FEM1C: variants seen among roughly 807,000 people sequenced by gnomAD.
FEM1C encodes the protein fem-1 homolog C.
Under a neutral mutation model 37.6 loss-of-function variants are expected in FEM1C, and 15 were observed. That is an observed-to-expected ratio of 0.40 (90% CI 0.27 to 0.61). The LOEUF (loss-of-function observed/expected upper bound fraction) is 0.61, where lower values mean the gene tolerates loss of function less well. FEM1C is among the 20% of genes least tolerant of loss of function. FEM1C has a pLI of 0.42. For synonymous variants in FEM1C, 287 were observed against 272.8 expected (o/e 1.05, Z -0.51); for missense variants, 532 against 749.7 (o/e 0.71, Z 3.39).
rs1215181168 is a variant in FEM1C, at chr5:115,522,303, C to A, written c.*2005G>T. The A allele has an allele frequency of 1.3e-5, 2 of 151,864 alleles. No individual in the cohort carries two copies. Among genetic ancestry groups the A allele is most frequent in the East Asian group, 3.8e-4 (2 of 5,196 alleles). The allele number at this position is 151,864 out of a possible 1,614,324, so 9.4% of individuals were successfully genotyped here. On this transcript the variant is annotated 3_prime_UTR_variant, in exon 3 of 3. Transcript: ENST00000274457. ...CCACAAAGTTAGAGGCAGATGATTTCAAGATACTGACATTTGATATTTCTA... is the reference window on the plus strand; with the variant it reads ...CCACAAAGTTAGAGGCAGATGATTTAAAGATACTGACATTTGATATTTCTA...
chr5:115,540,393 G>T (rs1422781656), intron 2 of FEM1C, among the ~76,000 whole-genome samples: 1 of 151,994 alleles, frequency 6.6e-6, no homozygotes, highest in East Asian at 1.9e-4. Flanking sequence ...CATGTGTATG[G>T]GTATAAAGTT....
intron 2 of FEM1C, among the ~76,000 whole-genome samples, chr5:115,535,797 T>G (rs1368091821): frequency 2.0e-5 from 3 of 151,914 alleles, no homozygotes; most frequent in African/African-American, 4.8e-5. Flanking sequence ...TATCCATGAA[T>G]AGCTAAAAAG....
At chr5:115,532,253 C>CTGT (rs1227063397) in intron 2 of FEM1C, among the ~76,000 whole-genome samples, 1 of 152,054 alleles carries the variant, frequency 6.6e-6, no homozygotes, top group Non-Finnish European at 1.5e-5. Context: ...ACAGTCTATT[C>CTGT]TTAAAGTATA....
At chr5:115,529,812 A>C (rs1449671549) in intron 2 of FEM1C, among the ~76,000 whole-genome samples, 1 of 152,042 alleles carries the variant, frequency 6.6e-6, no homozygotes, top group Non-Finnish European at 1.5e-5. Context: ...AAGTCAAAGT[A>C]ATGCTATCTA....
chr5:115,532,813 T>C (rs1186023058), intron 2 of FEM1C, among the ~76,000 whole-genome samples: 2 of 152,122 alleles, frequency 1.3e-5, no homozygotes, highest in Middle Eastern at 3.4e-3. Flanking sequence ...TCCCCGTTGA[T>C]GGACATCTGC....
chr5:115,538,696 T>C (rs936965113), intron 2 of FEM1C, among the ~76,000 whole-genome samples: 1 of 152,048 alleles, frequency 6.6e-6, no homozygotes, highest in Admixed American at 6.6e-5. Context: ...ATCCAACTCC[T>C]GTACCTAGAT....
chr5:115,544,739 C>G lies in FEM1C; in HGVS notation c.-407G>C, dbSNP rs1295559419. On this transcript the variant is annotated 5_prime_UTR_variant, in exon 1 of 3. Coordinates refer to ENST00000274457, the MANE Select transcript of FEM1C (RefSeq NM_020177.3). ...GCCTCCCGCCCTTAGTCGGCTCGGACTGCAGCGGCTGCAGCGACTGCTGCG... is the reference window on the plus strand; with the variant it reads ...GCCTCCCGCCCTTAGTCGGCTCGGAGTGCAGCGGCTGCAGCGACTGCTGCG... 6.5e-6 allele frequency: 1 copy of G among 152,684 alleles called. No individual in the cohort carries two copies. Among genetic ancestry groups the G allele is most frequent in the East Asian group, 1.9e-4 (1 of 5,220 alleles). 9.5% of individuals were successfully genotyped at this position (152,684 alleles called of 1,614,324 possible).
chr5:115,544,199 G>A, intron 1 of FEM1C: 1 of 984,018 alleles, frequency 1.0e-6, no homozygotes, highest in Non-Finnish European at 1.2e-6. Flanking sequence ...AACTACTCAC[G>A]GCTCTCAGGA....
intron 2 of FEM1C, among the ~76,000 whole-genome samples, chr5:115,540,795 A>G (rs189542406): frequency 7.9e-5 from 12 of 152,226 alleles, no homozygotes; most frequent in Non-Finnish European, 1.5e-4. Flanking sequence ...AACATATCCC[A>G]ATTTGACTTA....
At chr5:115,528,618 T>C (rs770919300) in intron 2 of FEM1C, among the ~76,000 whole-genome samples, 1 of 152,120 alleles carries the variant, frequency 6.6e-6, no homozygotes, top group Non-Finnish European at 1.5e-5. Flanking sequence ...CAGAAGCAAA[T>C]ATAAATACTA....
Position 115,525,554 on chromosome 5 carries a change from A to G in FEM1C, c.608T>C (p.Met203Thr), listed in dbSNP as rs1384216363. The change falls in exon 3 of 3, where the codon ATG (methionine) becomes ACG (threonine). Residue 203 changes from methionine (M) to threonine (T), a missense_variant. Coordinates refer to ENST00000274457, the MANE Select transcript of FEM1C (RefSeq NM_020177.3). ...GSLDIMKMLL[M>T]YCAKMEKDGY... ...ATCCTTTTCCATCTTGGCACAATAC[A>G]TAAGAAGCATCTTCATGATGTCCAA... is the stretch of plus-strand genomic sequence containing the variant. The G allele has an allele frequency of 2.5e-6, 4 of 1,613,668 alleles. No individual in the cohort carries two copies. Among genetic ancestry groups the G allele is most frequent in the East Asian group, 2.2e-5 (1 of 44,856 alleles).
In FEM1C at chr5:115,543,627, C is replaced by A. The variant is rs1170250458; in HGVS notation, c.-134G>T. 1.4e-6 allele frequency: 2 copies of A among 1,444,882 alleles called. No individual in the cohort carries two copies. The highest frequency in any genetic ancestry group is 1.8e-6 in the Non-Finnish European group (2 of 1,105,388). 89.5% of individuals were successfully genotyped at this position (1,444,882 alleles called of 1,614,324 possible). The stretch of plus-strand genomic sequence containing the variant: ...CTGCACCCCAGAACGGATACACAAC[C>A]ACGAAGAGTATGTTCCGTCCTACTG... On this transcript the variant is annotated 5_prime_UTR_variant, in exon 2 of 3. Coordinates refer to ENST00000274457, the MANE Select transcript of FEM1C (RefSeq NM_020177.3).
chr5:115,539,380 A>G (rs1466999425), intron 2 of FEM1C, among the ~76,000 whole-genome samples: 2 of 152,092 alleles, frequency 1.3e-5, no homozygotes, highest in East Asian at 3.8e-4. Context: ...GCCAAAGATG[A>G]CTATAACCAT....
In FEM1C at chr5:115,525,821, G is replaced by A. The variant is rs188907633; in HGVS notation, c.545-204C>T. On this transcript the variant is annotated intron_variant, in intron 2 of 2. Coordinates refer to ENST00000274457, the MANE Select transcript of FEM1C (RefSeq NM_020177.3). ...ATTAAACTTATTGAATAAATGACAT[G>A]ACCAAATTAGGTGTAAAAAGACATC... is the stretch of plus-strand genomic sequence containing the variant. Among the ~76,000 whole-genome samples the A allele has an allele frequency of 4.5e-3, 679 of 152,154 alleles. 4 individuals carry two copies. The highest frequency in any genetic ancestry group is 6.5e-3 in the Non-Finnish European group (440 of 67,988).
rs562698430 is a variant in FEM1C, at chr5:115,528,022, G to C, written c.545-2405C>G. On this transcript the variant is annotated intron_variant, in intron 2 of 2. Coordinates refer to ENST00000274457, the MANE Select transcript of FEM1C (RefSeq NM_020177.3). Reference sequence around the variant, plus strand: ...CTCAGAAAAAAAAAAAAAAAAAAAGGTAGCAAAAGCCAATTAAATGAACTC... The same window carrying C: ...CTCAGAAAAAAAAAAAAAAAAAAAGCTAGCAAAAGCCAATTAAATGAACTC... 4.2e-3 allele frequency among the ~76,000 whole-genome samples: 599 copies of C among 143,606 alleles called. 1 individual carries two copies. The highest frequency in any genetic ancestry group is 7.5e-3 in the Non-Finnish European group (492 of 65,754). The allele number at this position is 143,606 out of a possible 152,430, so 94.2% of individuals were successfully genotyped here. A position where few individuals can be genotyped will look rare whatever the true frequency, so the allele number is the denominator to read the frequency against.
At position 115,530,665 on chromosome 5, in the gene FEM1C, GAGTATGTTCT is replaced by G. The variant is rs1753996820; in HGVS notation, c.545-5058_545-5049del. On this transcript the variant is annotated intron_variant, in intron 2 of 2. Transcript: ENST00000274457. ...CAAATGTCAAGGGACTGAAGTCACTGAGTATGTTCTAAGTCCACTTATGAATGAAGTCAGA... is the reference window on the plus strand; with the variant it reads ...CAAATGTCAAGGGACTGAAGTCACTGAAGTCCACTTATGAATGAAGTCAGA... Among the ~76,000 whole-genome samples, 7 of 152,250 alleles carry G rather than the reference GAGTATGTTCT, an allele frequency of 4.6e-5. No individual in the cohort carries two copies. In the South Asian group the frequency reaches 1.4e-3, roughly 32 times the overall value.
chr5:115,542,470 C>T (rs1754261920), intron 2 of FEM1C, among the ~76,000 whole-genome samples: 1 of 151,934 alleles, frequency 6.6e-6, no homozygotes, highest in Non-Finnish European at 1.5e-5. Flanking sequence ...TCAGTTTAGC[C>T]TAGCCTTCTC....
Position 115,523,935 on chromosome 5 carries a change from G to T in FEM1C, c.*373C>A. 5.5e-6 allele frequency: 1 copy of T among 182,180 alleles called. No individual in the cohort carries two copies. Among genetic ancestry groups the T allele is most frequent in the Non-Finnish European group, 1.2e-5 (1 of 86,888 alleles). 11.3% of individuals were successfully genotyped at this position (182,180 alleles called of 1,614,324 possible). On this transcript the variant is annotated 3_prime_UTR_variant, in exon 3 of 3. Coordinates refer to ENST00000274457, the MANE Select transcript of FEM1C (RefSeq NM_020177.3). ...GGAAACTTGAGAAGAGAAGAAAGAAGCAAGAAAAAAAGACTTTCAATTGTA... is the reference window on the plus strand; with the variant it reads ...GGAAACTTGAGAAGAGAAGAAAGAATCAAGAAAAAAAGACTTTCAATTGTA...
intron 2 of FEM1C, among the ~76,000 whole-genome samples, chr5:115,532,541 GAA>G (rs1357266450): frequency 6.7e-6 from 1 of 149,330 alleles, no homozygotes; most frequent in Non-Finnish European, 1.5e-5. Context: ...AAACAGAGGG[GAA>G]AAAAAAAAGG....
Sources: gnomAD v4.1 joint callset for allele counts (sites outside exome capture counted in the v4.1 genomes callset) on GRCh38, gnomAD v4.1.1 for gene constraint, MANE v1.5 for transcripts, NCBI Gene and HGNC (gene_info 2026-07-23, HGNC 2026-07-21) for gene names.